The following DPH6 variants were observed in gnomAD, a reference collection of about 807,000 sequenced individuals.
The protein encoded by DPH6 is diphthine--ammonia ligase.
A neutral mutation model predicts 38.2 loss-of-function variants in DPH6; 33 were observed. The observed-to-expected ratio is 0.86, with a 90% CI of 0.65 to 1.15. The LOEUF (loss-of-function observed/expected upper bound fraction) is 1.15. Ranked by LOEUF, DPH6 falls within the 50% of genes most tolerant of loss-of-function variation. The pLI is 0.00. For missense variants in DPH6, 325 were observed against 320.0 expected (o/e 1.02, Z -0.12); for synonymous variants, 108 against 103.0 (o/e 1.05, Z -0.30).
intron 3 of DPH6, among the ~76,000 whole-genome samples, chr15:35,334,512 G>A (rs575724299): frequency 6.6e-6 from 1 of 151,966 alleles, no homozygotes; most frequent in Admixed American, 6.6e-5. Context: ...TAGGTATTAA[G>A]TGCAGCATCC....
intron 3 of DPH6, among the ~76,000 whole-genome samples, chr15:35,491,803 G>A (rs1221180131): frequency 6.7e-6 from 1 of 149,404 alleles, no homozygotes; most frequent in Non-Finnish European, 1.5e-5. Flanking sequence ...ATATATTTAT[G>A]TGTGTATAAA....
the DPH6 span, among the ~76,000 whole-genome samples, chr15:35,199,951 G>A: frequency 2.6e-5 from 4 of 152,016 alleles, no homozygotes; most frequent in Non-Finnish European, 5.9e-5. Flanking sequence ...ATGCAAAATG[G>A]CTCTCTAAGA....
At chr15:35,250,537 G>T (rs1217635820) in intron 3 of DPH6, among the ~76,000 whole-genome samples, 14 of 152,100 alleles carry the variant, frequency 9.2e-5, no homozygotes, top group Non-Finnish European at 1.5e-5. Context: ...CATGCAAAAG[G>T]TTCTTACATG....
intron 1 of DPH6, among the ~76,000 whole-genome samples, chr15:35,544,901 T>C (rs1890270205): frequency 1.3e-5 from 2 of 152,228 alleles, no homozygotes; most frequent in South Asian, 4.1e-4. Flanking sequence ...CTTCCTGGGG[T>C]ACTTTTAATT....
chr15:35,443,593 A>G (rs1205773780), intron 5 of DPH6, among the ~76,000 whole-genome samples: 2 of 152,158 alleles, frequency 1.3e-5, no homozygotes, highest in African/African-American at 2.4e-5. Flanking sequence ...TCCTGAGGGG[A>G]AAAACTAGTG....
At chr15:35,281,900 GT>G (rs988902482) in intron 3 of DPH6, among the ~76,000 whole-genome samples, 4 of 152,002 alleles carry the variant, frequency 2.6e-5, no homozygotes, top group Non-Finnish European at 5.9e-5. Flanking sequence ...TGATTTTTTT[GT>G]TTGTTTGCTT....
chr15:35,272,412 T>C (rs898203811), intron 3 of DPH6, among the ~76,000 whole-genome samples: 3 of 152,164 alleles, frequency 2.0e-5, no homozygotes, highest in Admixed American at 2.0e-4. Context: ...AAGCATGATG[T>C]TATGGACTGA....
rs527247751 is a variant in DPH6 at position 35,299,288 on chromosome 15, C to T, written n.200+74233G>A. The T allele has an allele frequency of 6.8e-6, 7 of 1,036,390 alleles. 1 individual carries two copies. Among genetic ancestry groups the T allele is most frequent in the South Asian group, 6.3e-5 (5 of 79,356 alleles). The allele number at this position is 1,036,390 out of a possible 1,614,324, so 64.2% of individuals were successfully genotyped here. A position where few individuals can be genotyped will look rare whatever the true frequency, so the allele number is the denominator to read the frequency against. On this transcript the variant is annotated intron_variant and non_coding_transcript_variant, in intron 3 of 3. Transcript: ENST00000560386. The stretch of plus-strand genomic sequence containing the variant: ...GAGCCACCTCGTTGTAGGTCAATGA[C>T]TGGGGCAAGAACTGTACCTTGTTTC...
chr15:35,351,324 T>G (rs1044294091), intron 3 of DPH6, among the ~76,000 whole-genome samples: 1 of 152,274 alleles, frequency 6.6e-6, no homozygotes, highest in Middle Eastern at 3.4e-3. Flanking sequence ...AGATAGCATA[T>G]AGTTGGATTG....
rs189591490 is a variant in DPH6 at position 35,319,035 on chromosome 15, C to A, written n.200+54486G>T. Among the ~76,000 whole-genome samples the A allele has an allele frequency of 4.7e-3, 712 of 152,282 alleles. 9 individuals carry two copies. The highest frequency in any genetic ancestry group is 0.016 in the African/African-American group (649 of 41,562). On this transcript the variant is annotated intron_variant and non_coding_transcript_variant, in intron 3 of 3. Coordinates refer to the DPH6 transcript ENST00000560386. ...AAGAAACCTTAAGCAAGTCTACTAACCTTCATAGACTAACTATACTGTCCA... is the reference window on the plus strand; with the variant it reads ...AAGAAACCTTAAGCAAGTCTACTAAACTTCATAGACTAACTATACTGTCCA...
chr15:35,533,708 T>C (rs1879294228), intron 3 of DPH6, among the ~76,000 whole-genome samples: 1 of 151,034 alleles, frequency 6.6e-6, no homozygotes, highest in Non-Finnish European at 1.5e-5. Context: ...TATTAAAATT[T>C]TAATCCCTCA....
the DPH6 span, among the ~76,000 whole-genome samples, chr15:35,173,461 G>C: frequency 6.6e-6 from 1 of 151,744 alleles, no homozygotes; most frequent in African/African-American, 2.4e-5. Context: ...TGTCTGCAAA[G>C]CCTCCTAACT....
At chr15:35,388,604 T>G (rs1313050282) in intron 6 of DPH6, among the ~76,000 whole-genome samples, 1 of 152,234 alleles carries the variant, frequency 6.6e-6, no homozygotes, top group Non-Finnish European at 1.5e-5. Flanking sequence ...ATCCATTTCT[T>G]CTAGATTTTC....
chr15:35,236,966 G>A (rs2051556766), intron 3 of DPH6, among the ~76,000 whole-genome samples: 2 of 152,152 alleles, frequency 1.3e-5, no homozygotes, highest in South Asian at 4.1e-4. Context: ...AGTTGATAAA[G>A]TCGATAGATA....
intron 5 of DPH6, among the ~76,000 whole-genome samples, chr15:35,441,095 C>G (rs181875154): frequency 0.025 from 3,785 of 152,228 alleles, 150 homozygotes; most frequent in African/African-American, 0.085. Flanking sequence ...AAATGCAAAT[C>G]AAAACCACAA....
At chr15:35,462,831 C>T (rs1190471582) in intron 3 of DPH6, among the ~76,000 whole-genome samples, 1 of 152,046 alleles carries the variant, frequency 6.6e-6, no homozygotes, top group East Asian at 1.9e-4. Context: ...GTACCTGGTA[C>T]AATATTAAAT....
At chr15:35,164,553 C>T in the DPH6 span, among the ~76,000 whole-genome samples, 4,764 of 151,004 alleles carry the variant, frequency 0.032, 145 homozygotes, top group Non-Finnish European at 0.039. Context: ...TGTATTCATT[C>T]TAAATTAAAA....
the DPH6 span, among the ~76,000 whole-genome samples, chr15:35,155,645 C>T: frequency 6.6e-6 from 1 of 152,170 alleles, no homozygotes; most frequent in African/African-American, 2.4e-5. Context: ...GCTAAGATGA[C>T]ATTTATCATG....
chr15:35,473,261 G>T (rs1299759503), intron 3 of DPH6, among the ~76,000 whole-genome samples: 1 of 151,772 alleles, frequency 6.6e-6, no homozygotes, highest in African/African-American at 2.4e-5. Flanking sequence ...TCACAGGAAA[G>T]AAAAAAAGTT....
Sources: allele counts gnomAD v4.1 joint callset (sites outside exome capture counted in the v4.1 genomes callset), GRCh38; gene constraint gnomAD v4.1.1; transcripts MANE v1.5; gene names NCBI Gene and HGNC (gene_info 2026-07-23, HGNC 2026-07-21).